Variants in AGMO observed in about 807,000 individuals in gnomAD.
AGMO encodes alkylglycerol monooxygenase, also known as glyceryl-ether monooxygenase.
Under a neutral mutation model 60.2 loss-of-function variants are expected in AGMO, and 75 were observed. That is an observed-to-expected ratio of 1.25 (90% confidence interval 1.03 to 1.51). The LOEUF is 1.51. Among genes scored for constraint, AGMO ranks in the 40% most tolerant of loss-of-function variants. The pLI is 0.00. For synonymous variants in AGMO, 261 were observed against 177.1 expected, an observed-to-expected ratio of 1.47 and a Z score of -3.76; for missense variants, 763 against 525.5, an observed-to-expected ratio of 1.45 and a Z score of -4.42.
chr7:15,431,075 T>A lies in AGMO; in HGVS notation c.443A>T (p.His148Leu), dbSNP rs1389379512. The change falls in exon 4 of 13, where the codon CAT (histidine) becomes CTT (leucine). Residue 148 changes from histidine (H) to leucine (L), a missense_variant. Transcript: ENST00000342526. ...VNIMWAGHQT[H>L]HSSEDYNLST... ...TAAGTTATAGTCTTCAGAACTATGA[T>A]GTGTTTGGTGTCCGGCCCACATAAT... The A allele has an allele frequency of 1.9e-6, 3 of 1,611,682 alleles. No homozygotes were observed. Among genetic ancestry groups the A allele is most frequent in the Non-Finnish European group, 2.5e-6 (3 of 1,178,330 alleles).
intron 4 of AGMO, among the ~76,000 whole-genome samples, chr7:15,427,766 G>A (rs1298283682): frequency 2.6e-5 from 4 of 152,034 alleles, no homozygotes; most frequent in African/African-American, 7.2e-5. Context: ...AGATTGAAGT[G>A]GCATGCAAAA....
At chr7:15,510,654 G>A (rs1333367758) in intron 3 of AGMO, among the ~76,000 whole-genome samples, 1 of 149,980 alleles carries the variant, frequency 6.7e-6, no homozygotes, top group Non-Finnish European at 1.5e-5. Flanking sequence ...GATGAACCTG[G>A]AGGATATTAA....
intron 12 of AGMO, among the ~76,000 whole-genome samples, chr7:15,256,697 G>A (rs1420021337): frequency 1.3e-5 from 2 of 152,114 alleles, no homozygotes; most frequent in South Asian, 2.1e-4. Flanking sequence ...ACTGGTTTGT[G>A]TTACAGTTGC....
intron 12 of AGMO, among the ~76,000 whole-genome samples, chr7:15,223,033 TA>T (rs1781970062): frequency 6.6e-6 from 1 of 152,010 alleles, no homozygotes; most frequent in African/African-American, 2.4e-5. Flanking sequence ...AATGTGTATA[TA>T]CTCAACAATG....
chr7:15,352,421 A>G (rs1782276440), intron 12 of AGMO, among the ~76,000 whole-genome samples: 1 of 151,826 alleles, frequency 6.6e-6, no homozygotes, highest in Admixed American at 6.6e-5. Context: ...TCAAGGGCAG[A>G]CATTTCTAAT....
intron 10 of AGMO, among the ~76,000 whole-genome samples, chr7:15,383,219 G>C (rs1401341030): frequency 6.6e-6 from 1 of 152,056 alleles, no homozygotes; most frequent in East Asian, 1.9e-4. Context: ...CAAGTTGGTA[G>C]CCATCTTGCC....
chr7:15,229,492 ATCCCCTCATCCT>A (rs1458381965), intron 12 of AGMO, among the ~76,000 whole-genome samples: 1 of 139,170 alleles, frequency 7.2e-6, no homozygotes, highest in East Asian at 2.0e-4. Context: ...CCATCTACAC[ATCCCCTCATCCT>A]TCCAAAAAAA....
At chr7:15,272,668 T>C (rs190089059) in intron 12 of AGMO, among the ~76,000 whole-genome samples, 1 of 152,268 alleles carries the variant, frequency 6.6e-6, no homozygotes, top group African/African-American at 2.4e-5. Flanking sequence ...CTGGGTCAAA[T>C]GGTATTTCTA....
intron 12 of AGMO, among the ~76,000 whole-genome samples, chr7:15,255,453 A>C (rs970238700): frequency 2.0e-5 from 3 of 151,294 alleles, no homozygotes; most frequent in Non-Finnish European, 4.4e-5. Flanking sequence ...AAACTATTTC[A>C]AAAAAACTGA....
chr7:15,153,699 C>T, the AGMO span, among the ~76,000 whole-genome samples: 1 of 151,958 alleles, frequency 6.6e-6, no homozygotes, highest in Non-Finnish European at 1.5e-5. Context: ...GGCATATGTG[C>T]CTATTTTTAT....
intron 5 of AGMO, among the ~76,000 whole-genome samples, chr7:15,405,838 G>A (rs548763864): frequency 6.6e-6 from 1 of 151,374 alleles, no homozygotes; most frequent in Non-Finnish European, 1.5e-5. Context: ...CAGTAAACAA[G>A]CTGGACAAAT....
intron 12 of AGMO, among the ~76,000 whole-genome samples, chr7:15,244,517 C>A (rs571906149): frequency 1.3e-5 from 2 of 152,138 alleles, no homozygotes; most frequent in Non-Finnish European, 2.9e-5. Context: ...AATGTCAATG[C>A]AAAGAACGCA....
chr7:15,160,296 G>C, the AGMO span, among the ~76,000 whole-genome samples: 1 of 152,132 alleles, frequency 6.6e-6, no homozygotes, highest in Non-Finnish European at 1.5e-5. Flanking sequence ...CTCATTGGCA[G>C]AGATTTCATT....
chr7:15,194,526 C>T, the AGMO span, among the ~76,000 whole-genome samples: 7 of 152,218 alleles, frequency 4.6e-5, no homozygotes, highest in East Asian at 7.7e-4. Flanking sequence ...TACAAACTTT[C>T]GAAATAGATG....
chr7:15,227,771 ATCAACTAC>A (rs1409410592), intron 12 of AGMO, among the ~76,000 whole-genome samples: 2 of 152,082 alleles, frequency 1.3e-5, no homozygotes, highest in Non-Finnish European at 2.9e-5. Context: ...CCTTCTACTA[ATCAACTAC>A]TAGTTCCAGA....
intron 12 of AGMO, among the ~76,000 whole-genome samples, chr7:15,307,793 T>C (rs962549443): frequency 6.6e-6 from 1 of 152,044 alleles, no homozygotes; most frequent in Non-Finnish European, 1.5e-5. Flanking sequence ...TCTTTGCCTT[T>C]TCCTGGGTCT....
chr7:15,354,972 C>T (rs1245065161), intron 12 of AGMO, among the ~76,000 whole-genome samples: 1 of 151,898 alleles, frequency 6.6e-6, no homozygotes, highest in African/African-American at 2.4e-5. Context: ...GTGGCTTATG[C>T]TCACTTATAC....
At chr7:15,358,767 G>C (rs1331537491) in intron 12 of AGMO, among the ~76,000 whole-genome samples, 3 of 152,102 alleles carry the variant, frequency 2.0e-5, no homozygotes, top group Admixed American at 6.6e-5. Context: ...GCCAGCAAGA[G>C]AAGGACAAGG....
intron 5 of AGMO, among the ~76,000 whole-genome samples, chr7:15,409,107 A>G (rs1386584137): frequency 6.6e-6 from 1 of 151,940 alleles, no homozygotes; most frequent in Non-Finnish European, 1.5e-5. Flanking sequence ...CACAAAGAAC[A>G]TGAAATGAAA....
Sources: gnomAD v4.1 joint callset for allele counts (sites outside exome capture counted in the v4.1 genomes callset) on GRCh38, gnomAD v4.1.1 for gene constraint, MANE v1.5 for transcripts, NCBI Gene and HGNC (gene_info 2026-07-23, HGNC 2026-07-21) for gene names.